The following IL1RAPL1 variants were observed in gnomAD, a reference collection of about 807,000 sequenced individuals.
The protein encoded by IL1RAPL1 is interleukin 1 receptor accessory protein like 1.
Under a neutral mutation model 48.4 loss-of-function variants are expected in IL1RAPL1, and 3 were observed. The ratio of observed to expected loss-of-function variants is 0.06; its 90% CI spans 0.03 to 0.16. IL1RAPL1 has a LOEUF of 0.16. Among genes scored for constraint, IL1RAPL1 ranks in the 10% least tolerant of loss-of-function variants. The pLI is 1.00. For missense variants in IL1RAPL1, 349 were observed against 530.6 expected (o/e 0.66, Z 3.36); for synonymous variants, 185 against 187.7 (o/e 0.99, Z 0.12).
intron 1 of IL1RAPL1, among the ~76,000 whole-genome samples, chrX:28,624,231 GA>G (rs987513366): frequency 9.9e-5 from 11 of 111,223 alleles, no homozygotes; most frequent in African/African-American, 3.6e-4. Context: ...ACAAATGGGG[GA>G]AAGCAGACTT....
chrX:28,616,046 C>A (rs1267541527), intron 1 of IL1RAPL1, among the ~76,000 whole-genome samples: 5 of 112,503 alleles, frequency 4.4e-5, no homozygotes, highest in Non-Finnish European at 9.4e-5. Flanking sequence ...ATTGCTTCAT[C>A]CAATTCCTCG....
At chrX:28,930,921 G>A (rs1038910947) in intron 2 of IL1RAPL1, among the ~76,000 whole-genome samples, 25 of 110,123 alleles carry the variant, frequency 2.3e-4, no homozygotes, top group Non-Finnish European at 4.5e-4. Flanking sequence ...GATTACAAGC[G>A]TGAGCCACCG....
At chrX:29,759,095 T>A (rs1226765470) in intron 6 of IL1RAPL1, among the ~76,000 whole-genome samples, 3 of 112,376 alleles carry the variant, frequency 2.7e-5, no homozygotes, top group African/African-American at 9.7e-5. Context: ...TTAATTAGGA[T>A]TCAATGAGTC....
At chrX:28,843,837 T>A (rs5985804) in intron 2 of IL1RAPL1, among the ~76,000 whole-genome samples, 6,289 of 110,843 alleles carry the variant, frequency 0.057, 485 homozygotes, top group African/African-American at 0.2. Context: ...TTCAGAGCAG[T>A]GCGTTTGTAA....
At chrX:28,879,939 G>A (rs1922464450) in intron 2 of IL1RAPL1, among the ~76,000 whole-genome samples, 1 of 111,572 alleles carries the variant, frequency 9.0e-6, no homozygotes, top group African/African-American at 3.3e-5. Flanking sequence ...AACTGTGGAG[G>A]AATTCACCTC....
intron 6 of IL1RAPL1, among the ~76,000 whole-genome samples, chrX:29,727,993 A>G (rs1927819678): frequency 9.0e-6 from 1 of 111,075 alleles, no homozygotes; most frequent in African/African-American, 3.3e-5. Context: ...GCTGGAGTGC[A>G]GTGGCGCGAT....
chrX:29,050,072 A>T (rs183866745), intron 2 of IL1RAPL1, among the ~76,000 whole-genome samples: 2 of 110,955 alleles, frequency 1.8e-5, no homozygotes, highest in African/African-American at 6.6e-5. Context: ...CTTGTTTTCC[A>T]TGACTATCAC....
chrX:29,535,147 A>AAG (rs1177937529), intron 5 of IL1RAPL1, among the ~76,000 whole-genome samples: 14 of 104,857 alleles, frequency 1.3e-4, no homozygotes, highest in African/African-American at 4.6e-4. Context: ...AAAAAAAAAA[A>AAG]AAAAAAAAAA....
chrX:29,638,601 C>G (rs772907087), intron 5 of IL1RAPL1, among the ~76,000 whole-genome samples: 16 of 111,372 alleles, frequency 1.4e-4, no homozygotes, highest in Non-Finnish European at 3.0e-4. Context: ...AGAGTTTGTT[C>G]AGTTGAACAA....
chrX:28,735,728 C>A (rs1935814482), intron 1 of IL1RAPL1, among the ~76,000 whole-genome samples: 1 of 110,644 alleles, frequency 9.0e-6, no homozygotes, highest in Non-Finnish European at 1.9e-5. Context: ...TATGATCATG[C>A]CACTGCATTC....
At chrX:29,021,750 T>A (rs189221363) in intron 2 of IL1RAPL1, among the ~76,000 whole-genome samples, 98 of 111,898 alleles carry the variant, frequency 8.8e-4, no homozygotes, top group African/African-American at 3.1e-3. Context: ...AAGCAGGGAC[T>A]TTTAGGACTG....
intron 2 of IL1RAPL1, among the ~76,000 whole-genome samples, chrX:29,182,254 G>C (rs899549647): frequency 9.0e-6 from 1 of 111,654 alleles, no homozygotes; most frequent in Admixed American, 9.6e-5. Flanking sequence ...CAGAAAAACT[G>C]AATCTGGCAC....
intron 2 of IL1RAPL1, among the ~76,000 whole-genome samples, chrX:29,160,084 G>A (rs1929651455): frequency 8.9e-6 from 1 of 111,929 alleles, no homozygotes; most frequent in African/African-American, 3.2e-5. Flanking sequence ...GTCCTTATGT[G>A]GTAGGACACT....
At chrX:29,915,858 C>T (rs1932795967) in intron 6 of IL1RAPL1, among the ~76,000 whole-genome samples, 2 of 83,702 alleles carry the variant, frequency 2.4e-5, no homozygotes, top group South Asian at 7.3e-4. Context: ...ACTAACTCGT[C>T]ATCTAGCATT....
At chrX:29,157,263 C>T (rs1038457069) in intron 2 of IL1RAPL1, among the ~76,000 whole-genome samples, 1 of 111,251 alleles carries the variant, frequency 9.0e-6, no homozygotes, top group African/African-American at 3.3e-5. Flanking sequence ...CAAATGAGTT[C>T]CTTTTATTGA....
At chrX:29,196,061 C>T (rs1385326727) in intron 2 of IL1RAPL1, among the ~76,000 whole-genome samples, 2 of 112,245 alleles carry the variant, frequency 1.8e-5, no homozygotes, top group Non-Finnish European at 3.8e-5. Flanking sequence ...GCCAGGCTGT[C>T]ACCATGATGA....
chrX:29,113,312 C>T (rs771142132), intron 2 of IL1RAPL1, among the ~76,000 whole-genome samples: 4 of 111,675 alleles, frequency 3.6e-5, no homozygotes, highest in Non-Finnish European at 5.6e-5. Context: ...CTAGCTGTCT[C>T]AATTATATCA....
chrX:29,090,974 T>C (rs1928076438), intron 2 of IL1RAPL1, among the ~76,000 whole-genome samples: 1 of 112,069 alleles, frequency 8.9e-6, no homozygotes, highest in African/African-American at 3.2e-5. Context: ...ATCTTGTGTT[T>C]TGAAGACAGG....
At chrX:29,647,729 G>T (rs1029121452) in intron 5 of IL1RAPL1, among the ~76,000 whole-genome samples, 3 of 111,834 alleles carry the variant, frequency 2.7e-5, no homozygotes, top group Non-Finnish European at 5.6e-5. Flanking sequence ...CAGTAAAAGA[G>T]AAATAAATTT....
Sources: allele counts gnomAD v4.1 joint callset (sites outside exome capture counted in the v4.1 genomes callset), GRCh38; gene constraint gnomAD v4.1.1; transcripts MANE v1.5; gene names NCBI Gene and HGNC (gene_info 2026-07-23, HGNC 2026-07-21).